DNM3: variants seen among roughly 807,000 people sequenced by gnomAD.
The protein encoded by DNM3 is dynamin 3.
A neutral mutation model predicts 101.6 loss-of-function variants in DNM3; 47 were observed. The observed-to-expected ratio is 0.46, with a 90% CI of 0.37 to 0.59. The LOEUF (loss-of-function observed/expected upper bound fraction) is 0.59. Ranked by LOEUF, DNM3 falls within the 20% of genes least tolerant of loss-of-function variation. DNM3 has a pLI of 0.00. For missense variants in DNM3, 849 were observed against 1,085.7 expected (o/e 0.78, Z 3.06); for synonymous variants, 385 against 387.9 (o/e 0.99, Z 0.09).
chr1:171,918,783 A>C (rs941824929), intron 1 of DNM3, among the ~76,000 whole-genome samples: 8 of 152,130 alleles, frequency 5.3e-5, no homozygotes, highest in African/African-American at 1.9e-4. Context: ...AAAATGTTAG[A>C]TGTATCTGTG....
chr1:172,165,744 C>A (rs987837483), intron 14 of DNM3, among the ~76,000 whole-genome samples: 3 of 152,058 alleles, frequency 2.0e-5, no homozygotes, highest in African/African-American at 7.2e-5. Flanking sequence ...GCATAGAAAT[C>A]TTTAATGCTT....
At chr1:172,063,354 G>A (rs2051395827) in intron 10 of DNM3, among the ~76,000 whole-genome samples, 1 of 149,520 alleles carries the variant, frequency 6.7e-6, no homozygotes, top group African/African-American at 2.5e-5. Flanking sequence ...TTGTTGGATA[G>A]AAATGTCTCC....
At chr1:172,031,094 C>T (rs892193306) in intron 4 of DNM3, among the ~76,000 whole-genome samples, 33 of 152,248 alleles carry the variant, frequency 2.2e-4, no homozygotes, top group African/African-American at 7.2e-4. Flanking sequence ...TATAAAGACA[C>T]ATGCATACAT....
intron 18 of DNM3, among the ~76,000 whole-genome samples, chr1:172,385,481 T>C (rs1259053563): frequency 1.3e-5 from 2 of 152,196 alleles, no homozygotes; most frequent in African/African-American, 4.8e-5. Context: ...CCACAGAGGG[T>C]TTCCTAAATA....
chr1:172,353,393 A>C (rs138940085), intron 17 of DNM3, among the ~76,000 whole-genome samples: 1 of 152,292 alleles, frequency 6.6e-6, no homozygotes, highest in East Asian at 1.9e-4. Context: ...ATATAAAATA[A>C]TATGACACAT....
chr1:171,861,127 A>G (rs1449462840), intron 1 of DNM3, among the ~76,000 whole-genome samples: 1 of 152,174 alleles, frequency 6.6e-6, no homozygotes, highest in Non-Finnish European at 1.5e-5. Flanking sequence ...AAGATATCCT[A>G]TGTTCATGAA....
intron 1 of DNM3, among the ~76,000 whole-genome samples, chr1:171,899,923 A>C (rs2038152353): frequency 1.3e-5 from 2 of 152,220 alleles, no homozygotes; most frequent in African/African-American, 4.8e-5. Flanking sequence ...TTGAAGGACA[A>C]ATGGGCAAGG....
chr1:172,282,963 C>T (rs1241190708), intron 15 of DNM3, among the ~76,000 whole-genome samples: 1 of 152,178 alleles, frequency 6.6e-6, no homozygotes, highest in Non-Finnish European at 1.5e-5. Flanking sequence ...CATCAAGTAG[C>T]ATCGCATCAA....
At chr1:172,280,008 G>A (rs2063428969) in intron 15 of DNM3, among the ~76,000 whole-genome samples, 1 of 152,080 alleles carries the variant, frequency 6.6e-6, no homozygotes, top group South Asian at 2.1e-4. Context: ...TCCATTGTCT[G>A]GCTTCTGGCT....
chr1:172,328,689 C>T (rs950998558), intron 17 of DNM3, among the ~76,000 whole-genome samples: 1 of 152,080 alleles, frequency 6.6e-6, no homozygotes, highest in Non-Finnish European at 1.5e-5. Context: ...CTATCAGGTA[C>T]TATGGTTATT....
chr1:171,962,338 A>G (rs942641570), intron 2 of DNM3, among the ~76,000 whole-genome samples: 1 of 152,214 alleles, frequency 6.6e-6, no homozygotes, highest in Admixed American at 6.6e-5. Context: ...GAGAATAGGT[A>G]GGTAAATTCC....
chr1:172,244,599 A>C (rs1291483850), intron 14 of DNM3, among the ~76,000 whole-genome samples: 1 of 152,202 alleles, frequency 6.6e-6, no homozygotes, highest in East Asian at 1.9e-4. Flanking sequence ...AAAACACATG[A>C]AAAAATGTTC....
At chr1:171,999,585 G>A (rs945519988) in intron 4 of DNM3, among the ~76,000 whole-genome samples, 12 of 152,036 alleles carry the variant, frequency 7.9e-5, no homozygotes, top group African/African-American at 2.4e-4. Context: ...TTTAAACTGT[G>A]CTCCTCACCC....
intron 6 of DNM3, among the ~76,000 whole-genome samples, chr1:172,036,996 C>T (rs1258799985): frequency 6.6e-6 from 1 of 152,164 alleles, no homozygotes; most frequent in Non-Finnish European, 1.5e-5. Flanking sequence ...TGAACAGACA[C>T]TTCTCAAAAG....
intron 1 of DNM3, among the ~76,000 whole-genome samples, chr1:171,871,023 G>A (rs981066585): frequency 2.6e-5 from 4 of 152,174 alleles, no homozygotes; most frequent in African/African-American, 7.2e-5. Context: ...GTTGACTAAA[G>A]AGGCTAAAGA....
intron 20 of DNM3, among the ~76,000 whole-genome samples, chr1:172,403,310 G>A (rs963958148): frequency 5.3e-5 from 8 of 152,108 alleles, no homozygotes; most frequent in African/African-American, 1.9e-4. Flanking sequence ...ATGCTAGCTG[G>A]AAGCAAGAAG....
At chr1:172,386,329 G>C (rs1350777506) in intron 18 of DNM3, among the ~76,000 whole-genome samples, 1 of 152,020 alleles carries the variant, frequency 6.6e-6, no homozygotes, top group Non-Finnish European at 1.5e-5. Flanking sequence ...TAGAGTTGAT[G>C]AGATACAGTA....
chr1:171,904,831 T>G (rs1033025887), intron 1 of DNM3, among the ~76,000 whole-genome samples: 1 of 151,862 alleles, frequency 6.6e-6, no homozygotes, highest in African/African-American at 2.4e-5. Context: ...TGAGGGAGGG[T>G]GGCATGGAGG....
chr1:172,055,504 A>G (rs1239671057), intron 10 of DNM3, among the ~76,000 whole-genome samples: 2 of 151,870 alleles, frequency 1.3e-5, no homozygotes, highest in African/African-American at 2.4e-5. Flanking sequence ...CTATTAATAT[A>G]TTAATTATAT....
Sources: gnomAD v4.1 joint callset for allele counts (sites outside exome capture counted in the v4.1 genomes callset) on GRCh38, gnomAD v4.1.1 for gene constraint, MANE v1.5 for transcripts, NCBI Gene and HGNC (gene_info 2026-07-23, HGNC 2026-07-21) for gene names.